The following POLG variants were observed in gnomAD, a reference collection of about 807,000 sequenced individuals.
The protein encoded by POLG is DNA polymerase subunit gamma-1.
Under a neutral mutation model 155.4 loss-of-function variants are expected in POLG, and 110 were observed. The ratio of observed to expected loss-of-function variants is 0.71; its 90% CI spans 0.61 to 0.83. The LOEUF is 0.83. POLG is among the 40% of genes least tolerant of loss of function. The probability of loss-of-function intolerance (pLI) is 0.00; values close to 1 mark genes in which losing one functional copy is unlikely to be tolerated. For missense variants in POLG, 1,685 were observed against 1,627.5 expected (o/e 1.04, Z -0.61); for synonymous variants, 701 against 631.5 (o/e 1.11, Z -1.65).
rs138457939 is a variant in POLG at position 89,323,462 on chromosome 15, T to C, written c.2207A>G (p.Asn736Ser). ...KDTQPSYHHG[N>S]GPYNDVDIPG... Reference sequence around the variant, plus strand: ...GATGTCCACGTCGTTGTAAGGTCCATTGCCATGGTGATAGCTGGGCTGGGT... The same window carrying C: ...GATGTCCACGTCGTTGTAAGGTCCACTGCCATGGTGATAGCTGGGCTGGGT... The change falls in exon 13 of 23, where the codon AAT becomes AGT. Residue 736 changes from asparagine to serine, a missense_variant. By Grantham distance (46) the Asn-to-Ser change is conservative. This residue lies in a region of POLG where 1,210 missense variants were observed against 1,167.1 expected (regional missense o/e 1.04). Transcript: ENST00000268124. 4.3e-4 allele frequency: 690 copies of C among 1,614,046 alleles called. 4 individuals are homozygous for C. Among genetic ancestry groups the C allele is most frequent in the African/African-American group, 1.1e-3 (83 of 75,034 alleles).
In POLG at chr15:89,325,275, A is replaced by AGTGAGT. The variant is rs1567190057; in HGVS notation, c.1949+174_1949+175insACTCAC. The stretch of plus-strand genomic sequence containing the variant: ...GAGAGAGAGTGAGTGAGTGAGTGAG[A>AGTGAGT]GAGAGAGAAAGAGAGAGAGAGAGGG... On this transcript the variant is annotated intron_variant, in intron 10 of 22. Transcript: ENST00000268124. Among the ~76,000 whole-genome samples the AGTGAGT allele has an allele frequency of 2.9e-5, 3 of 102,166 alleles. 1 individual carries two copies. The highest frequency in any genetic ancestry group is 1.7e-4 in the African/African-American group (3 of 17,982). 67.0% of individuals were successfully genotyped at this position (102,166 alleles called of 152,430 possible).
At position 89,319,062 on chromosome 15, in the gene POLG, C is replaced by T. The variant is rs762244296; in HGVS notation, c.3142G>A (p.Ala1048Thr). The T allele has an allele frequency of 1.9e-6, 3 of 1,614,172 alleles. No individual in the cohort carries two copies. In the South Asian group the frequency reaches 3.3e-5, roughly 18 times the overall value. The change falls in exon 20 of 23, where the codon GCA (alanine) becomes ACA (threonine). Residue 1048 changes from alanine (A) to threonine (T), a missense_variant. By Grantham distance (58) the Ala-to-Thr change is moderately conservative. Transcript: ENST00000268124. Reference sequence around the variant, plus strand: ...TCTGACTCTGTGCCCCCCTTCCATGCCCGTTCAGCAACCACCTCCCACTTC... The same window carrying T: ...TCTGACTCTGTGCCCCCCTTCCATGTCCGTTCAGCAACCACCTCCCACTTC... ...WKKWEVVAER[A>T]WKGGTESEMF...
In POLG at chr15:89,316,709, G is replaced by T; in HGVS notation, c.*42C>A. 2 of 1,522,394 alleles carry T rather than the reference G, an allele frequency of 1.3e-6. No individual in the cohort carries two copies. Among genetic ancestry groups the T allele is most frequent in the Non-Finnish European group, 1.8e-6 (2 of 1,096,566 alleles). 94.3% of individuals were successfully genotyped at this position (1,522,394 alleles called of 1,614,324 possible). A position where few individuals can be genotyped will look rare whatever the true frequency, so the allele number is the denominator to read the frequency against. ...TGAGTTTGGGAGCCTGCACCACCCC[G>T]ATGAAGCTCCACGGGAGCAAATACA... On this transcript the variant is annotated 3_prime_UTR_variant, in exon 23 of 23. Transcript: ENST00000268124.
rs144346886 is a variant in POLG at position 89,316,771 on chromosome 15, G to C, written c.3700C>G (p.Arg1234Gly). ...CAGTGCTATGGTCCAGGCTGGCTTC[G>C]TTTTTCCAAGGAGCCTTTGGTGAGT... Reference protein sequence around the residue: ...IELTKGSLEKRSQPGP With the variant: ...IELTKGSLEKGSQPGP Residue 1234 changes from arginine (R) to glycine (G), a missense_variant, in exon 23 of 23, where the codon CGA (arginine) becomes GGA (glycine). Around this residue, in one of 3 missense-constraint regions of POLG, gnomAD observed 470 missense variants for 439.9 expected, o/e 1.07. Transcript: ENST00000268124. 1.4e-5 allele frequency: 22 copies of C among 1,613,580 alleles called. No individual in the cohort carries two copies. Among genetic ancestry groups the C allele is most frequent in the East Asian group, 2.2e-5 (1 of 44,900 alleles).
intron 3 of POLG, among the ~76,000 whole-genome samples, chr15:89,329,637 A>C (rs1423070258): frequency 6.6e-6 from 1 of 152,268 alleles, no homozygotes; most frequent in African/African-American, 2.4e-5. Flanking sequence ...TACACCAGGC[A>C]GAGTGCTGAG....
In POLG at chr15:89,325,225, AGT is replaced by A. The variant is rs1354012892; in HGVS notation, c.1949+223_1949+224del. 5.8e-4 allele frequency among the ~76,000 whole-genome samples: 39 copies of A among 67,652 alleles called. 5 individuals are homozygous for A. Among genetic ancestry groups the A allele is most frequent in the African/African-American group, 7.3e-4 (16 of 22,024 alleles). 44.4% of individuals were successfully genotyped at this position (67,652 alleles called of 152,430 possible). ...GAGTGAGAGAGTGAGTGAGTGAGAG[AGT>A]GAGTGAGAGAGTGAGTGAGTGAGAG... On this transcript the variant is annotated intron_variant, in intron 10 of 22. Coordinates refer to ENST00000268124, the MANE Select transcript of POLG (RefSeq NM_002693.3).
In POLG at chr15:89,321,380, A is replaced by C. The variant is rs56125611; in HGVS notation, c.2599-120T>G. 2.1e-4 allele frequency: 242 copies of C among 1,179,894 alleles called. 2 individuals are homozygous for C. The East Asian group carries it at 6.1e-3, about 30-fold the overall frequency. 73.1% of individuals were successfully genotyped at this position (1,179,894 alleles called of 1,614,324 possible). ...ATGGCTTTAGAGAATGCCAGACAGC[A>C]CTGCTGAAATTCCACAGTTCCAGAG... On this transcript the variant is annotated intron_variant, in intron 16 of 22. Transcript: ENST00000268124.
In POLG at chr15:89,326,628, G is replaced by C. The variant is rs559937676; in HGVS notation, c.1696C>G (p.Leu566Val). 1 of 1,613,982 alleles carries C rather than the reference G, an allele frequency of 6.2e-7. No homozygotes were observed. Among genetic ancestry groups the C allele is most frequent in the East Asian group, 2.2e-5 (1 of 44,880 alleles). ...TELLPKRPQH[L>V]PGHPGWYRKL... Reference sequence around the variant, plus strand: ...AGGGCTCACCCAGGGTGTCCAGGAAGGTGCTGGGGCCGCTTGGGCAGGAGC... The same window carrying C: ...AGGGCTCACCCAGGGTGTCCAGGAACGTGCTGGGGCCGCTTGGGCAGGAGC... The change falls in exon 9 of 23, where the codon CTT (leucine) becomes GTT (valine). Residue 566 changes from leucine (L) to valine (V), a missense_variant. Leu to Val is a conservative substitution (Grantham distance 32). Coordinates refer to ENST00000268124, the MANE Select transcript of POLG (RefSeq NM_002693.3).
At position 89,325,272 on chromosome 15, in the gene POLG, GAGAGAGAGAGAA is replaced by G. The variant is rs2055495998; in HGVS notation, c.1949+166_1949+177del. 3.8e-5 allele frequency among the ~76,000 whole-genome samples: 4 copies of G among 104,158 alleles called. 1 individual carries two copies. The South Asian group carries it at 1.1e-3, about 29-fold the overall frequency. The allele number at this position is 104,158 out of a possible 152,430, so 68.3% of individuals were successfully genotyped here. A position where few individuals can be genotyped will look rare whatever the true frequency, so the allele number is the denominator to read the frequency against. On this transcript the variant is annotated intron_variant, in intron 10 of 22. Coordinates refer to ENST00000268124, the MANE Select transcript of POLG (RefSeq NM_002693.3). Reference sequence around the variant, plus strand: ...TGAGAGAGAGAGTGAGTGAGTGAGTGAGAGAGAGAGAAAGAGAGAGAGAGAGGGTGTGTGTGT... The same window carrying G: ...TGAGAGAGAGAGTGAGTGAGTGAGTGAGAGAGAGAGAGAGGGTGTGTGTGT...
rs1061316 is a variant in POLG, at chr15:89,317,119, A to C, written c.3643+257T>G. On this transcript the variant is annotated intron_variant, in intron 22 of 22. Transcript: ENST00000268124. The stretch of plus-strand genomic sequence containing the variant: ...AAGAATGCACTCTATAGAATAAATT[A>C]TCTTTAAACATTTCTTCTGTGGTTG... 248,390 of 590,666 alleles carry C rather than the reference A, an allele frequency of 0.42. 54,176 individuals are homozygous for C. The highest frequency in any genetic ancestry group is 0.63 in the African/African-American group (33,563 of 53,664). 36.6% of individuals were successfully genotyped at this position (590,666 alleles called of 1,614,324 possible). A position where few individuals can be genotyped will look rare whatever the true frequency, so the allele number is the denominator to read the frequency against.
chr15:89,331,476 T>G (rs1445070953), intron 2 of POLG, among the ~76,000 whole-genome samples: 6 of 152,230 alleles, frequency 3.9e-5, no homozygotes, highest in Admixed American at 3.9e-4. Flanking sequence ...TATAAACTAG[T>G]GATTAAAAAG....
At chr15:89,325,179 A>AGAGAGT (rs2055482975) in intron 10 of POLG, among the ~76,000 whole-genome samples, 3 of 59,470 alleles carry the variant, frequency 5.0e-5, no homozygotes, top group African/African-American at 1.6e-4. Flanking sequence ...AGAGAGTGAG[A>AGAGAGT]GAGTGAGTGA....
chr15:89,325,156 GAGT>G (rs2055479197), intron 10 of POLG, among the ~76,000 whole-genome samples: 1 of 95,990 alleles, frequency 1.0e-5, no homozygotes, highest in Admixed American at 9.7e-5. Context: ...GTGAGTGAGT[GAGT>G]GAGTGAGTGA....
At chr15:89,325,902 G>T (rs1169894963) in intron 9 of POLG, among the ~76,000 whole-genome samples, 1 of 152,196 alleles carries the variant, frequency 6.6e-6, no homozygotes, top group African/African-American at 2.4e-5. Context: ...CACTAAGTCA[G>T]TCCCACTGGA....
rs749642767 is a variant in POLG, at chr15:89,325,029, G to GAACCCAGAAAAAACCTGAAAA, written c.1949+420_1949+421insTTTTCAGGTTTTTTCTGGGTT. 9.0e-5 allele frequency among the ~76,000 whole-genome samples: 13 copies of GAACCCAGAAAAAACCTGAAAA among 143,982 alleles called. 1 individual carries two copies. The highest frequency in any genetic ancestry group is 1.8e-4 in the Non-Finnish European group (12 of 65,626). 94.5% of individuals were successfully genotyped at this position (143,982 alleles called of 152,430 possible). Reference sequence around the variant, plus strand: ...AGGGTAGCCATGGAAGAAAAAACCTGAACCCAGAGAGTGAGTGAGTGAGTG... The same window carrying GAACCCAGAAAAAACCTGAAAA: ...AGGGTAGCCATGGAAGAAAAAACCTGAACCCAGAAAAAACCTGAAAAAACCCAGAGAGTGAGTGAGTGAGTG... On this transcript the variant is annotated intron_variant, in intron 10 of 22. Coordinates refer to ENST00000268124, the MANE Select transcript of POLG (RefSeq NM_002693.3).
At chr15:89,317,257 G>C in intron 22 of POLG, 119 bp downstream of exon 22, 1 of 847,928 alleles carries the variant, frequency 1.2e-6, no homozygotes, top group Non-Finnish European at 2.0e-6. Context: ...AATTAGCCTA[G>C]AATATAGCCT....
chr15:89,324,814 G>T (rs1206216002), intron 10 of POLG, among the ~76,000 whole-genome samples: 2 of 152,208 alleles, frequency 1.3e-5, no homozygotes, highest in Non-Finnish European at 2.9e-5. Context: ...AGCACTGCTT[G>T]GCCCATAATT....
intron 13 of POLG, 73 bp from the exon 14 acceptor site, chr15:89,322,975 T>C: frequency 1.4e-6 from 2 of 1,452,564 alleles, no homozygotes; most frequent in Non-Finnish European, 1.9e-6. Flanking sequence ...CGTGAGTACC[T>C]GCACTCCTCC....
intron 6 of POLG, 102 bp from the exon 7 acceptor site, chr15:89,327,451 G>T: frequency 9.5e-7 from 1 of 1,048,086 alleles, no homozygotes; most frequent in East Asian, 2.5e-5. Context: ...CACTGACATG[G>T]CACAGCTCAA....
Sources: allele counts gnomAD v4.1 joint callset (sites outside exome capture counted in the v4.1 genomes callset), GRCh38; gene constraint gnomAD v4.1.1; regional missense constraint gnomAD v4.1.1; transcripts MANE v1.5; gene names NCBI Gene and HGNC (gene_info 2026-07-23, HGNC 2026-07-21).